The following SBF2 variants were observed in gnomAD, a reference collection of about 807,000 sequenced individuals.
SBF2 encodes the protein myotubularin-related protein 13.
SBF2 carries 112 observed loss-of-function variants against 225.2 expected under a neutral mutation model. The observed-to-expected ratio is 0.50, with a 90% CI of 0.43 to 0.58. The LOEUF is 0.58. Among genes scored for constraint, SBF2 ranks in the 20% least tolerant of loss-of-function variants. SBF2 has a pLI of 0.00. For missense variants in SBF2, 1,996 were observed against 2,206.2 expected (o/e 0.90, Z 1.91); for synonymous variants, 763 against 773.3 (o/e 0.99, Z 0.22).
intron 16 of SBF2, among the ~76,000 whole-genome samples, chr11:9,914,837 TCAC>T (rs1862938509): frequency 6.9e-6 from 1 of 145,822 alleles, no homozygotes; most frequent in African/African-American, 2.5e-5. Flanking sequence ...GCACTTTGGG[TCAC>T]AATGATGTGT....
At chr11:9,979,810 C>CTTT (rs933648882) in intron 13 of SBF2, among the ~76,000 whole-genome samples, 9 of 137,206 alleles carry the variant, frequency 6.6e-5, no homozygotes, top group Admixed American at 3.7e-4. Flanking sequence ...TTAAATTCAT[C>CTTT]TTTTTTTTTT....
At chr11:10,083,248 G>A (rs553735232) in intron 2 of SBF2, among the ~76,000 whole-genome samples, 3 of 152,094 alleles carry the variant, frequency 2.0e-5, no homozygotes, top group African/African-American at 7.2e-5. Context: ...ACAAACAAAT[G>A]TAAGAACATC....
intron 17 of SBF2, among the ~76,000 whole-genome samples, chr11:9,878,494 C>T (rs1480689167): frequency 6.6e-6 from 1 of 152,068 alleles, no homozygotes; most frequent in Non-Finnish European, 1.5e-5. Flanking sequence ...ATGGTATTGC[C>T]TAGGTTTTCT....
intron 29 of SBF2, among the ~76,000 whole-genome samples, chr11:9,816,201 T>C (rs1854448471): frequency 6.6e-6 from 1 of 152,228 alleles, no homozygotes; most frequent in Non-Finnish European, 1.5e-5. Context: ...GAAAAGACCA[T>C]CTTTACAATT....
intron 2 of SBF2, among the ~76,000 whole-genome samples, chr11:10,061,978 A>G (rs1362141587): frequency 6.6e-6 from 1 of 152,210 alleles, no homozygotes; most frequent in African/African-American, 2.4e-5. Flanking sequence ...ATAGCATGGT[A>G]CTGGTACAAG....
intron 2 of SBF2, among the ~76,000 whole-genome samples, chr11:10,111,630 C>T (rs994112075): frequency 1.3e-5 from 2 of 152,100 alleles, no homozygotes; most frequent in Non-Finnish European, 2.9e-5. Flanking sequence ...AATCCCAGCA[C>T]TTTGGGAGAC....
chr11:9,784,280 G>A, intron 38 of SBF2, 71 bp downstream of exon 38: 2 of 1,128,194 alleles, frequency 1.8e-6, no homozygotes, highest in Admixed American at 1.7e-5. Context: ...CTGTCTGCTA[G>A]AGCCACATAA....
At position 9,794,693 on chromosome 11, in the gene SBF2, A is replaced by AAAAAAAAAAAAG. The variant is rs1852994390; in HGVS notation, c.4570+1137_4570+1138insCTTTTTTTTTTT. On this transcript the variant is annotated intron_variant, in intron 33 of 39. Coordinates refer to ENST00000256190, the MANE Select transcript of SBF2 (RefSeq NM_030962.4). ...CTCCGTCTCAAAAAAAAAAAAAAAA[A>AAAAAAAAAAAAG]AAAAAAAAAAAAAAGACCAGGCCTG... Among the ~76,000 whole-genome samples the AAAAAAAAAAAAG allele has an allele frequency of 1.4e-5, 2 of 147,088 alleles. 1 individual carries two copies. The highest frequency in any genetic ancestry group is 3.0e-5 in the Non-Finnish European group (2 of 66,572).
intron 2 of SBF2, among the ~76,000 whole-genome samples, chr11:10,095,955 C>T (rs1952001241): frequency 6.6e-6 from 1 of 152,138 alleles, no homozygotes; most frequent in Non-Finnish European, 1.5e-5. Flanking sequence ...TTTATTTCAA[C>T]CTGCCATTGC....
At chr11:10,112,440 A>G (rs1240818513) in intron 2 of SBF2, among the ~76,000 whole-genome samples, 1 of 152,212 alleles carries the variant, frequency 6.6e-6, no homozygotes, top group Non-Finnish European at 1.5e-5. Context: ...CCATCCATGT[A>G]AGATATGACT....
chr11:9,970,308 A>G lies in SBF2; in HGVS notation c.1396-1763T>C, dbSNP rs372225772. ...TGCAAGCTCCACCTCCCGGGTTCAC[A>G]CCATTCTCCTGCCTCAGTCTCCCGA... On this transcript the variant is annotated intron_variant, in intron 13 of 39. Transcript: ENST00000256190. Among the ~76,000 whole-genome samples, 55 of 151,314 alleles carry G rather than the reference A, an allele frequency of 3.6e-4. 1 individual carries two copies. The South Asian group carries it at 0.011, about 31-fold the overall frequency.
intron 17 of SBF2, among the ~76,000 whole-genome samples, chr11:9,863,747 T>G (rs1857955372): frequency 7.1e-6 from 1 of 141,002 alleles, no homozygotes; most frequent in South Asian, 2.2e-4. Context: ...TGTCCCTCCC[T>G]CTCTCTCTTT....
intron 16 of SBF2, among the ~76,000 whole-genome samples, chr11:9,924,205 G>A (rs1863849799): frequency 1.3e-5 from 2 of 152,048 alleles, no homozygotes; most frequent in Admixed American, 6.6e-5. Context: ...ATATGCATTC[G>A]GTAGGGACTA....
chr11:9,971,825 A>G (rs1251339567), intron 13 of SBF2, among the ~76,000 whole-genome samples: 1 of 152,220 alleles, frequency 6.6e-6, no homozygotes, highest in Non-Finnish European at 1.5e-5. Context: ...AATTCTGAAG[A>G]AGAGTTAAGT....
At chr11:10,146,336 A>G (rs1954882758) in intron 2 of SBF2, among the ~76,000 whole-genome samples, 2 of 152,226 alleles carry the variant, frequency 1.3e-5, no homozygotes, top group African/African-American at 2.4e-5. Context: ...ACAGGGCTAC[A>G]GTAACCAAAA....
intron 17 of SBF2, among the ~76,000 whole-genome samples, chr11:9,866,423 A>C (rs2134032599): frequency 6.6e-6 from 1 of 152,368 alleles, no homozygotes; most frequent in Admixed American, 6.5e-5. Context: ...AAATAAATCT[A>C]TGTATGCATA....
intron 2 of SBF2, among the ~76,000 whole-genome samples, chr11:10,060,156 G>A (rs1950380558): frequency 1.3e-5 from 2 of 152,066 alleles, no homozygotes; most frequent in Non-Finnish European, 2.9e-5. Flanking sequence ...AGAAAAGAGA[G>A]AAAACCCAAA....
intron 28 of SBF2, chr11:9,828,325 A>G: frequency 8.3e-7 from 1 of 1,206,342 alleles, no homozygotes. Context: ...CTGCTGCCAA[A>G]CATTGTACTT....
In SBF2 at chr11:9,780,385, T is replaced by C. The variant is rs1215857368; in HGVS notation, c.*33A>G. 9.6e-6 allele frequency: 15 copies of C among 1,557,856 alleles called. No homozygotes were observed. The highest frequency in any genetic ancestry group is 1.2e-5 in the Non-Finnish European group (14 of 1,129,536). ...TCTATCTATCTGGCAGCATGAGTTCTTCTGTTTCTTCTGCGTGGGTTGACC... is the reference window on the plus strand; with the variant it reads ...TCTATCTATCTGGCAGCATGAGTTCCTCTGTTTCTTCTGCGTGGGTTGACC... On this transcript the variant is annotated 3_prime_UTR_variant, in exon 40 of 40. Coordinates refer to ENST00000256190, the MANE Select transcript of SBF2 (RefSeq NM_030962.4).
Sources: allele counts gnomAD v4.1 joint callset (sites outside exome capture counted in the v4.1 genomes callset), GRCh38; gene constraint gnomAD v4.1.1; transcripts MANE v1.5; gene names NCBI Gene and HGNC (gene_info 2026-07-23, HGNC 2026-07-21).